Variants in ATP8A1 observed in about 807,000 individuals in gnomAD.
The protein encoded by ATP8A1 is phospholipid-transporting ATPase IA.
In ATP8A1, 90 loss-of-function variants were observed where a neutral mutation model predicts 177.7. That is an observed-to-expected ratio of 0.51 (90% CI 0.43 to 0.60). The LOEUF (loss-of-function observed/expected upper bound fraction) is 0.60, where lower values mean the gene tolerates loss of function less well. ATP8A1 is among the 20% of genes least tolerant of loss of function. The pLI is 0.00. For synonymous variants in ATP8A1, 493 were observed against 485.9 expected (o/e 1.01, Z -0.19); for missense variants, 1,072 against 1,392.8 (o/e 0.77, Z 3.67).
intron 9 of ATP8A1, among the ~76,000 whole-genome samples, chr4:42,585,553 A>C (rs1733532025): frequency 6.7e-6 from 1 of 149,122 alleles, no homozygotes; most frequent in South Asian, 2.2e-4. Context: ...AGGCCCCAGC[A>C]GACACTGAAT....
At chr4:42,495,234 A>G (rs4861031) in intron 24 of ATP8A1, among the ~76,000 whole-genome samples, 133,065 of 152,222 alleles carry the variant, frequency 0.87, 59,307 homozygotes, top group East Asian at 0.97. Flanking sequence ...AACATTCTAG[A>G]AACATTCTTA....
At chr4:42,564,847 G>C (rs1020237969) in intron 15 of ATP8A1, among the ~76,000 whole-genome samples, 3 of 152,158 alleles carry the variant, frequency 2.0e-5, no homozygotes, top group Admixed American at 1.3e-4. Context: ...GATATGGTTT[G>C]GCTGTGTCCC....
intron 24 of ATP8A1, among the ~76,000 whole-genome samples, chr4:42,485,947 T>C (rs1268127701): frequency 6.6e-6 from 1 of 152,196 alleles, no homozygotes; most frequent in Non-Finnish European, 1.5e-5. Context: ...GATTCTGTAG[T>C]CTTTGCTCAT....
chr4:42,551,383 GTTC>G (rs1729488550), intron 17 of ATP8A1, 103 bp from the exon 18 acceptor site: 2 of 775,682 alleles, frequency 2.6e-6, no homozygotes, highest in Non-Finnish European at 4.3e-6. Context: ...TTTAATTAAA[GTTC>G]TTTTTATTCT....
intron 10 of ATP8A1, 115 bp from the exon 11 acceptor site, chr4:42,580,093 A>G (rs1732879952): frequency 7.7e-6 from 6 of 781,498 alleles, no homozygotes; most frequent in Non-Finnish European, 1.2e-5. Flanking sequence ...ATGTGGGTGG[A>G]TACGTGAAAA....
chr4:42,547,059 A>C (rs1729007543), intron 19 of ATP8A1, among the ~76,000 whole-genome samples: 1 of 152,192 alleles, frequency 6.6e-6, no homozygotes, highest in Admixed American at 6.6e-5. Context: ...TATTTCAGCC[A>C]TAGATTTCTC....
intron 20 of ATP8A1, among the ~76,000 whole-genome samples, chr4:42,534,926 A>C (rs535889993): frequency 6.6e-6 from 1 of 152,284 alleles, no homozygotes; most frequent in East Asian, 1.9e-4. Context: ...TAAATGAAGG[A>C]AAGATACAGT....
At chr4:42,545,696 G>A (rs73165772) in intron 19 of ATP8A1, among the ~76,000 whole-genome samples, 4,200 of 152,018 alleles carry the variant, frequency 0.028, 204 homozygotes, top group African/African-American at 0.096. Flanking sequence ...CTTTTTGCCC[G>A]GGTATGGTGG....
At chr4:42,607,284 T>C (rs1008164797) in intron 5 of ATP8A1, among the ~76,000 whole-genome samples, 29 of 152,242 alleles carry the variant, frequency 1.9e-4, no homozygotes, top group African/African-American at 6.8e-4. Context: ...TCTTGGAATA[T>C]AGATGAGTAT....
chr4:42,640,218 G>A (rs1739831284), intron 1 of ATP8A1, among the ~76,000 whole-genome samples: 1 of 152,154 alleles, frequency 6.6e-6, no homozygotes, highest in African/African-American at 2.4e-5. Context: ...GCTTCTAAAG[G>A]ATTTTTGGGA....
intron 6 of ATP8A1, among the ~76,000 whole-genome samples, chr4:42,591,898 G>C (rs746080469): frequency 6.6e-6 from 1 of 152,042 alleles, no homozygotes; most frequent in Non-Finnish European, 1.5e-5. Flanking sequence ...GCTCACTTGC[G>C]GGTAAAAATC....
intron 24 of ATP8A1, among the ~76,000 whole-genome samples, chr4:42,495,506 T>C (rs1288885237): frequency 1.3e-5 from 2 of 152,170 alleles, no homozygotes; most frequent in Non-Finnish European, 2.9e-5. Context: ...AACTGGCCCA[T>C]TTAGTATTCA....
intron 24 of ATP8A1, among the ~76,000 whole-genome samples, chr4:42,487,849 GCTTCA>G (rs1722349529): frequency 6.6e-6 from 1 of 152,146 alleles, no homozygotes; most frequent in Admixed American, 6.6e-5. Flanking sequence ...TAATGCTGAA[GCTTCA>G]CTTAACAGTT....
At chr4:42,589,486 C>T (rs988008329) in intron 7 of ATP8A1, among the ~76,000 whole-genome samples, 2 of 152,048 alleles carry the variant, frequency 1.3e-5, no homozygotes, top group African/African-American at 4.8e-5. Flanking sequence ...GTGAAAATTG[C>T]TTAAACACAT....
intron 28 of ATP8A1, 50 bp from the exon 29 acceptor site, chr4:42,455,469 A>G (rs1446977664): frequency 6.2e-7 from 1 of 1,613,608 alleles, no homozygotes; most frequent in Non-Finnish European, 8.5e-7. Context: ...TGCAGGGTGA[A>G]CCTTTATCTC....
At chr4:42,467,420 GTAGTGGC>G (rs1719892047) in intron 25 of ATP8A1, among the ~76,000 whole-genome samples, 1 of 152,168 alleles carries the variant, frequency 6.6e-6, no homozygotes, top group Non-Finnish European at 1.5e-5. Flanking sequence ...CTGGCTGGGC[GTAGTGGC>G]TCATGCCTGT....
intron 5 of ATP8A1, among the ~76,000 whole-genome samples, chr4:42,613,490 AAGACC>A (rs1736579976): frequency 6.6e-6 from 1 of 152,214 alleles, no homozygotes; most frequent in African/African-American, 2.4e-5. Flanking sequence ...CATTACTTAT[AAGACC>A]TAATACAATT....
intron 1 of ATP8A1, among the ~76,000 whole-genome samples, chr4:42,634,294 T>C (rs993928600): frequency 6.6e-6 from 1 of 152,192 alleles, no homozygotes; most frequent in Non-Finnish European, 1.5e-5. Context: ...ATGAAAGAAA[T>C]GTAGGATTTT....
Position 42,579,969 on chromosome 4 carries a change from T to G in ATP8A1, c.844A>C (p.Ser282Arg). ...ACATTTGAGAGCTTAAGTGGTGGAC[T>G]TGTTGAATTCTGTAAAAAGAAACAA... is the stretch of plus-strand genomic sequence containing the variant. ...HDTKLMQNST[S>R]PPLKLSNVER... The change falls in exon 11 of 37, where the codon AGT becomes CGT. Residue 282 changes from serine (S) to arginine (R), a missense_variant. Around this residue, in one of 5 missense-constraint regions of ATP8A1, gnomAD observed 344 missense variants for 393.5 expected, o/e 0.87. Transcript: ENST00000381668. 1.9e-6 allele frequency: 3 copies of G among 1,600,672 alleles called. No homozygotes were observed. Among genetic ancestry groups the G allele is most frequent in the Non-Finnish European group, 2.6e-6 (3 of 1,173,514 alleles).
Sources: allele counts gnomAD v4.1 joint callset (sites outside exome capture counted in the v4.1 genomes callset), GRCh38; gene constraint gnomAD v4.1.1; regional missense constraint gnomAD v4.1.1; transcripts MANE v1.5; gene names NCBI Gene and HGNC (gene_info 2026-07-23, HGNC 2026-07-21).